METTL2A: variants seen among roughly 807,000 people sequenced by gnomAD.
The protein encoded by METTL2A is methyltransferase 2A, tRNA N3-cytidine.
A neutral mutation model predicts 49.4 loss-of-function variants in METTL2A; 45 were observed. The ratio of observed to expected loss-of-function variants is 0.91; its 90% confidence interval spans 0.72 to 1.17. The LOEUF (loss-of-function observed/expected upper bound fraction) is 1.17, where lower values mean the gene tolerates loss of function less well. METTL2A is among the 50% of genes most tolerant of loss of function. The pLI is 0.00. For synonymous variants in METTL2A, 118 were observed against 167.5 expected, an observed-to-expected ratio of 0.70 and a Z score of 2.28; for missense variants, 361 against 462.2, an observed-to-expected ratio of 0.78 and a Z score of 2.01.
chr17:62,424,762 T>C (rs532342509), intron 2 of METTL2A, among the ~76,000 whole-genome samples: 5 of 151,884 alleles, frequency 3.3e-5, no homozygotes, highest in African/African-American at 1.2e-4. Flanking sequence ...ACTTGTGTGA[T>C]GGTTATGAGA....
chr17:62,445,014 A>G lies in METTL2A; in HGVS notation c.916+71A>G, dbSNP rs555201603. On this transcript the variant is annotated intron_variant, in intron 7 of 8. Coordinates refer to ENST00000311506, the MANE Select transcript of METTL2A (RefSeq NM_181725.4). ...TGCAGGGACATGGATGAAGCTGGAA[A>G]TCATCATTCTCAGCAAACTAACACA... 32 of 1,544,456 alleles carry G rather than the reference A, an allele frequency of 2.1e-5. 1 individual carries two copies. In the South Asian group the frequency reaches 3.4e-4, roughly 16 times the overall value.
At chr17:62,433,440 AAAAG>A (rs894109035) in intron 4 of METTL2A, among the ~76,000 whole-genome samples, 1 of 151,706 alleles carries the variant, frequency 6.6e-6, no homozygotes, top group Non-Finnish European at 1.5e-5. Context: ...TCTCAAAAAA[AAAAG>A]AAAAGCACAA....
At chr17:62,428,746 A>T (rs1424498567) in intron 4 of METTL2A, among the ~76,000 whole-genome samples, 1 of 152,210 alleles carries the variant, frequency 6.6e-6, no homozygotes, top group African/African-American at 2.4e-5. Context: ...GTGTCCTCCT[A>T]GCACACGGAT....
At chr17:62,448,148 C>T (rs570327657) in intron 8 of METTL2A, among the ~76,000 whole-genome samples, 6 of 152,336 alleles carry the variant, frequency 3.9e-5, no homozygotes, top group Admixed American at 1.3e-4. Flanking sequence ...GGGAACTGCT[C>T]TCCTCTGCAA....
chr17:62,442,063 T>TC (rs2070742212), intron 6 of METTL2A, among the ~76,000 whole-genome samples: 1 of 152,094 alleles, frequency 6.6e-6, no homozygotes, highest in Non-Finnish European at 1.5e-5. Flanking sequence ...CTATTGGCCT[T>TC]TTAAATGCTT....
chr17:62,425,961 C>T (rs1598029046), intron 2 of METTL2A, among the ~76,000 whole-genome samples: 1 of 150,576 alleles, frequency 6.6e-6, no homozygotes, highest in Non-Finnish European at 1.5e-5. Context: ...AGATTGCGCC[C>T]CTGCACTCCA....
rs1392126717 is a variant in METTL2A at position 62,440,615 on chromosome 17, A to G, written c.670-2A>G. ...TTACCTGTGTCTTCCATCTGTCTGCAGACAAATTCAGAATATGATCCTTCT... is the reference window on the plus strand; with the variant it reads ...TTACCTGTGTCTTCCATCTGTCTGCGGACAAATTCAGAATATGATCCTTCT... On this transcript the variant is annotated splice_acceptor_variant, in intron 5 of 8. Coordinates refer to ENST00000311506, the MANE Select transcript of METTL2A (RefSeq NM_181725.4). LOFTEE classifies it high-confidence loss of function. 6.2e-7 allele frequency: 1 copy of G among 1,608,766 alleles called. No homozygotes were observed. Among genetic ancestry groups the G allele is most frequent in the South Asian group, 1.1e-5 (1 of 90,194 alleles).
intron 6 of METTL2A, among the ~76,000 whole-genome samples, 183 bp from the exon 7 acceptor site, chr17:62,444,654 C>T (rs1284178130): frequency 6.6e-6 from 1 of 152,130 alleles, no homozygotes; most frequent in Non-Finnish European, 1.5e-5. Context: ...TGGATCGAGG[C>T]CACAGCTGTG....
At position 62,435,236 on chromosome 17, in the gene METTL2A, C is replaced by T; in HGVS notation, c.613C>T (p.Pro205Ser). 1 of 1,613,856 alleles carries T rather than the reference C, an allele frequency of 6.2e-7. No homozygotes were observed. The highest frequency in any genetic ancestry group is 1.1e-5 in the South Asian group (1 of 91,068). Residue 205 changes from proline to serine, a missense_variant, in exon 5 of 9, where the codon CCA (proline) becomes TCA (serine). By Grantham distance (74) the Pro-to-Ser change is moderately conservative. Transcript: ENST00000311506. ...TGTCTTTTCTGCCCATTTCAGTGAC[C>T]CAGGACTCTTTGTTTATTGCTGTGA... is the stretch of plus-strand genomic sequence containing the variant. ...VFPILQTNND[P>S]GLFVYCCDFS...
chr17:62,434,985 A>G, intron 4 of METTL2A: 1 of 497,566 alleles, frequency 2.0e-6, no homozygotes, highest in African/African-American at 1.9e-5. Context: ...GGAAAAAGAG[A>G]AGACATTGAT....
Position 62,451,810 on chromosome 17 carries a change from A to G in METTL2A, c.*3081A>G, listed in dbSNP as rs2070807432. 5.9e-5 allele frequency among the ~76,000 whole-genome samples: 9 copies of G among 152,080 alleles called. No homozygotes were observed. The South Asian group carries it at 1.9e-3, about 32-fold the overall frequency. ...AAGGCTGAGGCAGGAGAATCACTTG[A>G]ATCTGGGAGGCGGAGGTTGCAGTGA... On this transcript the variant is annotated 3_prime_UTR_variant, in exon 9 of 9. Transcript: ENST00000311506.
At position 62,450,247 on chromosome 17, in the gene METTL2A, C is replaced by CATTTTTTTTTTTTTTTTTTT. The variant is rs1396756918; in HGVS notation, c.*1518_*1519insATTTTTTTTTTTTTTTTTTT. ...TGTGATCATTATCAGTGTTAGATGC[C>CATTTTTTTTTTTTTTTTTTT]TTTTTTTTTTTTTTTTTTTTTTTTT... is the stretch of plus-strand genomic sequence containing the variant. On this transcript the variant is annotated 3_prime_UTR_variant, in exon 9 of 9. Coordinates refer to ENST00000311506, the MANE Select transcript of METTL2A (RefSeq NM_181725.4). The CATTTTTTTTTTTTTTTTTTT allele has an allele frequency of 2.5e-5, 2 of 80,540 alleles. No homozygotes were observed. The highest frequency in any genetic ancestry group is 2.1e-5 in the Non-Finnish European group (1 of 47,276). 5.0% of individuals were successfully genotyped at this position (80,540 alleles called of 1,614,324 possible).
intron 2 of METTL2A, among the ~76,000 whole-genome samples, chr17:62,425,411 G>T (rs1434543623): frequency 1.3e-4 from 2 of 15,072 alleles, no homozygotes; most frequent in East Asian, 2.5e-3. Flanking sequence ...TTTTGGAGAT[G>T]GAGTCTCGCT....
In METTL2A at chr17:62,452,603, G is replaced by A. The variant is rs2070811670; in HGVS notation, c.*3874G>A. Among the ~76,000 whole-genome samples the A allele has an allele frequency of 6.6e-6, 1 of 152,046 alleles. No homozygotes were observed. Among genetic ancestry groups the A allele is most frequent in the South Asian group, 2.1e-4 (1 of 4,820 alleles). ...TACTTGTCTCAATATGGACCCATGG[G>A]TATTTGAGTTTCTTGTGGGGTTATT... On this transcript the variant is annotated 3_prime_UTR_variant, in exon 9 of 9. Coordinates refer to ENST00000311506, the MANE Select transcript of METTL2A (RefSeq NM_181725.4).
Position 62,440,680 on chromosome 17 carries a change from A to C in METTL2A, c.733A>C (p.Lys245Gln), listed in dbSNP as rs370342660. 2 of 1,614,090 alleles carry C rather than the reference A, an allele frequency of 1.2e-6. No homozygotes were observed. Among genetic ancestry groups the C allele is most frequent in the East Asian group, 4.5e-5 (2 of 44,868 alleles). ...AFVHDLCDEE[K>Q]SYPVPKGSLD... Reference sequence around the variant, plus strand: ...TGTTCACGACCTGTGTGATGAAGAGAAGAGTTACCCAGTGCCCAAGGGCAG... The same window carrying C: ...TGTTCACGACCTGTGTGATGAAGAGCAGAGTTACCCAGTGCCCAAGGGCAG... The change falls in exon 6 of 9, where the codon AAG (lysine) becomes CAG (glutamine). Residue 245 changes from lysine to glutamine, a missense_variant. Physicochemically the swap from Lys to Gln is moderately conservative, Grantham distance 53 (BLOSUM62 1). Around this residue, in one of 3 missense-constraint regions of METTL2A, gnomAD observed 183 missense variants for 216.5 expected, o/e 0.85. Transcript: ENST00000311506.
At chr17:62,443,735 GC>G (rs2144154125) in intron 6 of METTL2A, among the ~76,000 whole-genome samples, 1 of 152,174 alleles carries the variant, frequency 6.6e-6, no homozygotes, top group East Asian at 1.9e-4. Context: ...GATTACAGGT[GC>G]CTGCCACCAT....
chr17:62,447,637 C>T (rs373890442), intron 7 of METTL2A, 64 bp from the exon 8 acceptor site: 14 of 1,587,856 alleles, frequency 8.8e-6, no homozygotes, highest in Admixed American at 5.0e-5. Flanking sequence ...GTTAACATTC[C>T]TTAGCAATGC....
chr17:62,429,614 T>C (rs970057709), intron 4 of METTL2A, among the ~76,000 whole-genome samples: 4 of 151,798 alleles, frequency 2.6e-5, no homozygotes, highest in African/African-American at 9.7e-5. Flanking sequence ...CTTAAGGTTT[T>C]TGGAACTCTG....
intron 6 of METTL2A, among the ~76,000 whole-genome samples, chr17:62,444,320 C>T (rs2070755083): frequency 6.6e-6 from 1 of 152,242 alleles, no homozygotes; most frequent in Non-Finnish European, 1.5e-5. Flanking sequence ...TACTCTGCGG[C>T]CCAGGCCGGA....
Sources: allele counts gnomAD v4.1 joint callset (sites outside exome capture counted in the v4.1 genomes callset), GRCh38; gene constraint gnomAD v4.1.1; regional missense constraint gnomAD v4.1.1; transcripts MANE v1.5; gene names NCBI Gene and HGNC (gene_info 2026-07-23, HGNC 2026-07-21).